Variants in VEZT observed in about 807,000 individuals in gnomAD.
The protein encoded by VEZT is vezatin, adherens junctions transmembrane protein.
Under a neutral mutation model 79.9 loss-of-function variants are expected in VEZT, and 39 were observed. That is an observed-to-expected ratio of 0.49 (90% confidence interval 0.38 to 0.64). VEZT has a LOEUF of 0.64. Ranked by LOEUF, VEZT falls within the 30% of genes least tolerant of loss-of-function variation. The probability of loss-of-function intolerance (pLI) is 0.00; values close to 1 mark genes in which losing one functional copy is unlikely to be tolerated. For synonymous variants in VEZT, 325 were observed against 327.6 expected (o/e 0.99, Z 0.09); for missense variants, 837 against 893.1 (o/e 0.94, Z 0.80).
At chr12:95,256,232 G>C (rs1304987727) in intron 2 of VEZT, among the ~76,000 whole-genome samples, 1 of 151,892 alleles carries the variant, frequency 6.6e-6, no homozygotes, top group Non-Finnish European at 1.5e-5. Flanking sequence ...TGTATTTTTC[G>C]TAGAGACGGG....
intron 1 of VEZT, among the ~76,000 whole-genome samples, chr12:95,235,524 A>G (rs1245043115): frequency 2.9e-3 from 245 of 84,032 alleles, no homozygotes; most frequent in African/African-American, 3.0e-3. Context: ...CGGACGGGGC[A>G]GCTGGCCGGG....
intron 1 of VEZT, among the ~76,000 whole-genome samples, chr12:95,237,360 A>T (rs554997420): frequency 6.6e-6 from 1 of 152,278 alleles, no homozygotes; most frequent in East Asian, 1.9e-4. Context: ...GTACTCAATA[A>T]ATGTTTAGTA....
At chr12:95,233,785 G>A (rs2059611902) in intron 1 of VEZT, among the ~76,000 whole-genome samples, 1 of 152,120 alleles carries the variant, frequency 6.6e-6, no homozygotes, top group Non-Finnish European at 1.5e-5. Flanking sequence ...ATATGTGTGT[G>A]ACATACATAA....
intron 1 of VEZT, chr12:95,224,277 A>G (rs766467195): frequency 2.2e-6 from 1 of 446,774 alleles, no homozygotes; most frequent in South Asian, 1.6e-5. Flanking sequence ...CTCTACGGCT[A>G]CTATTTGTTA....
At chr12:95,285,840 T>G (rs954289741) in intron 8 of VEZT, among the ~76,000 whole-genome samples, 2 of 152,122 alleles carry the variant, frequency 1.3e-5, no homozygotes, top group Admixed American at 6.6e-5. Flanking sequence ...AAGTAACCAG[T>G]GCTATTGATG....
At chr12:95,287,282 C>G (rs560015934) in intron 8 of VEZT, among the ~76,000 whole-genome samples, 2 of 152,134 alleles carry the variant, frequency 1.3e-5, no homozygotes, top group East Asian at 3.9e-4. Context: ...TTACCACTGT[C>G]CAACTCCAGA....
rs370514876 is a variant in VEZT, at chr12:95,272,916, T to G, written c.849-1826T>G. Among the ~76,000 whole-genome samples the G allele has an allele frequency of 1.3e-3, 196 of 152,300 alleles. No individual in the cohort carries two copies. The Middle Eastern group carries it at 0.037, about 29-fold the overall frequency. On this transcript the variant is annotated intron_variant, in intron 6 of 11. Coordinates refer to ENST00000436874, the MANE Select transcript of VEZT (RefSeq NM_017599.4). ...GCACACAGTACCACACCTGGCTAAT[T>G]TTTTTGCATTTTGTAGAGACAGGGT...
At chr12:95,255,841 C>G (rs1193488014) in intron 2 of VEZT, among the ~76,000 whole-genome samples, 1 of 152,184 alleles carries the variant, frequency 6.6e-6, no homozygotes, top group Non-Finnish European at 1.5e-5. Context: ...GCATAAAAAT[C>G]TTTGGTAGCT....
chr12:95,288,061 A>G (rs2071449598), intron 9 of VEZT, among the ~76,000 whole-genome samples: 1 of 152,200 alleles, frequency 6.6e-6, no homozygotes. Flanking sequence ...AAAAATGAAT[A>G]TGATTTGAAA....
At chr12:95,282,769 G>C (rs188126958) in intron 8 of VEZT, 125 bp downstream of exon 8, 1 of 671,744 alleles carries the variant, frequency 1.5e-6, no homozygotes, top group African/African-American at 1.9e-5. Context: ...GAGCATGAAG[G>C]GTGATTTATA....
chr12:95,229,519 T>C (rs1208982036), intron 1 of VEZT, among the ~76,000 whole-genome samples: 2 of 152,214 alleles, frequency 1.3e-5, no homozygotes, highest in East Asian at 3.8e-4. Flanking sequence ...TCCTTTGGTA[T>C]GAAATTTTTC....
chr12:95,300,091 GTT>G (rs2074998659), intron 11 of VEZT, 72 bp from the exon 12 acceptor site: 1 of 822,694 alleles, frequency 1.2e-6, no homozygotes, highest in African/African-American at 1.8e-5. Context: ...AAAACTGAGA[GTT>G]TGAATTAAAA....
chr12:95,252,107 T>C (rs1276865206), intron 2 of VEZT, 36 bp downstream of exon 2: 1 of 1,589,710 alleles, frequency 6.3e-7, no homozygotes, highest in Non-Finnish European at 8.5e-7. Flanking sequence ...GGCCGAATCT[T>C]TTGCACTTTA....
intron 1 of VEZT, among the ~76,000 whole-genome samples, chr12:95,239,469 T>C (rs1566035932): frequency 6.6e-6 from 1 of 152,202 alleles, no homozygotes. Flanking sequence ...GTCATTGCCA[T>C]CTGCAAGAGA....
intron 7 of VEZT, among the ~76,000 whole-genome samples, chr12:95,281,886 A>G (rs1163782644): frequency 3.3e-5 from 5 of 152,020 alleles, no homozygotes. Context: ...TAATAGTCTT[A>G]TTTTGAAACC....
At chr12:95,235,544 G>A (rs2059975423) in intron 1 of VEZT, among the ~76,000 whole-genome samples, 1 of 141,150 alleles carries the variant, frequency 7.1e-6, no homozygotes, top group Non-Finnish European at 1.6e-5. Context: ...GCGGGGGGCT[G>A]ACCCCCCGAC....
In VEZT at chr12:95,277,867, T is replaced by C. The variant is rs1056802163; in HGVS notation, c.996+2978T>C. On this transcript the variant is annotated intron_variant, in intron 7 of 11. Transcript: ENST00000436874. ...TAAGAAGGACTTGGAGAAAGAATTA[T>C]AGTATTTCATTTCCTTTTAAATTAC... Among the ~76,000 whole-genome samples, 11 of 152,276 alleles carry C rather than the reference T, an allele frequency of 7.2e-5. No individual in the cohort carries two copies. In the East Asian group the frequency reaches 7.7e-4, roughly 11 times the overall value.
intron 9 of VEZT, chr12:95,290,921 C>T (rs1456027341): frequency 2.6e-5 from 4 of 151,868 alleles, no homozygotes; most frequent in African/African-American, 7.3e-5. Context: ...TGGCATTACT[C>T]GAGGATTACC....
At chr12:95,244,051 T>C in intron 1 of VEZT, 1 of 445,224 alleles carries the variant, frequency 2.2e-6, no homozygotes, top group Non-Finnish European at 4.5e-6. Context: ...TCAAGTATTC[T>C]GTTATAGCAA....
Sources: gnomAD v4.1 joint callset for allele counts (sites outside exome capture counted in the v4.1 genomes callset) on GRCh38, gnomAD v4.1.1 for gene constraint, MANE v1.5 for transcripts, NCBI Gene and HGNC (gene_info 2026-07-23, HGNC 2026-07-21) for gene names.